The following BRIP1 variants were observed in gnomAD, a reference collection of about 807,000 sequenced individuals.
BRIP1 encodes Fanconi anemia group J protein.
Under a neutral mutation model 119.7 loss-of-function variants are expected in BRIP1, and 88 were observed. That is an observed-to-expected ratio of 0.74 (90% CI 0.62 to 0.88). The LOEUF is 0.88. Among genes scored for constraint, BRIP1 ranks in the 40% least tolerant of loss-of-function variants. BRIP1 has a pLI of 0.00. For missense variants in BRIP1, 1,259 were observed against 1,455.4 expected, an observed-to-expected ratio of 0.87 and a Z score of 2.20; for synonymous variants, 443 against 496.5, an observed-to-expected ratio of 0.89 and a Z score of 1.43.
At position 61,780,966 on chromosome 17, in the gene BRIP1, G is replaced by A. The variant is rs1416513467; in HGVS notation, c.1668C>T (p.Tyr556=). The A allele has an allele frequency of 1.2e-6, 2 of 1,614,024 alleles. No homozygotes were observed. The highest frequency in any genetic ancestry group is 2.2e-5 in the South Asian group (2 of 91,084). The part of the protein sequence containing the change: ...DDYKIAIQQT[Y]SWTNQIDISD... ...AAATATCAATCTGATTTGTCCAGGA[G>A]TAAGTCTGTTGAATCGCAATTTTAT... Residue 556 remains tyrosine (Y), a synonymous_variant, in exon 12 of 20, where the codon TAC becomes TAT. Transcript: ENST00000259008. The surrounding 1 kb of genome is among the most constrained non-coding windows in gnomAD (Gnocchi z 5.4).
At position 61,708,035 on chromosome 17, in the gene BRIP1, TG is replaced by T. The variant is rs1349705958; in HGVS notation, c.2492+7915del. ...CTAATTTTTGTATTTTTAGTAGAGA[TG>T]GGGTTTCACCATGTTGGCCAGGCTG... On this transcript the variant is annotated intron_variant, in intron 17 of 19. Transcript: ENST00000259008. This position sits in a 1 kb window ranked among gnomAD's most constrained non-coding sequence, Gnocchi z 4.4. Among the ~76,000 whole-genome samples the T allele has an allele frequency of 6.6e-5, 10 of 152,068 alleles. No individual in the cohort carries two copies. Among genetic ancestry groups the T allele is most frequent in the Admixed American group, 1.3e-4 (2 of 15,258 alleles).
intron 4 of BRIP1, among the ~76,000 whole-genome samples, chr17:61,855,028 T>C (rs1160276656): frequency 6.6e-6 from 1 of 151,200 alleles, no homozygotes; most frequent in East Asian, 1.9e-4. Context: ...GTATACATCC[T>C]GTATGAATCC....
intron 16 of BRIP1, among the ~76,000 whole-genome samples, chr17:61,731,178 G>A (rs1229690355): frequency 1.3e-5 from 2 of 151,952 alleles, no homozygotes; most frequent in Non-Finnish European, 2.9e-5. Context: ...GAGGTGACAA[G>A]GTTTTTTCTT....
chr17:61,792,509 CA>C (rs541959834), intron 10 of BRIP1, among the ~76,000 whole-genome samples: 1 of 151,724 alleles, frequency 6.6e-6, no homozygotes, highest in East Asian at 1.9e-4. Context: ...GCTATCAAGG[CA>C]AAAAAATACA....
At chr17:61,837,838 A>G (rs1490027264) in intron 6 of BRIP1, among the ~76,000 whole-genome samples, 1 of 152,114 alleles carries the variant, frequency 6.6e-6, no homozygotes, top group Non-Finnish European at 1.5e-5. Context: ...GACACCAGAA[A>G]GTTAATTATA....
intron 16 of BRIP1, among the ~76,000 whole-genome samples, chr17:61,727,018 CAG>C (rs1379642610): frequency 6.6e-6 from 1 of 152,036 alleles, no homozygotes; most frequent in Non-Finnish European, 1.5e-5. Flanking sequence ...TGTAAGAAAG[CAG>C]TAAATAGAAT....
At position 61,846,122 on chromosome 17, in the gene BRIP1, CA is replaced by C. The variant is rs1431461450; in HGVS notation, c.627+978del. Among the ~76,000 whole-genome samples, 1 of 151,916 alleles carries C rather than the reference CA, an allele frequency of 6.6e-6. No individual in the cohort carries two copies. Among genetic ancestry groups the C allele is most frequent in the East Asian group, 1.9e-4 (1 of 5,178 alleles). ...GCATGAACCCAGGAGGCGGAGCTTG[CA>C]GTGGGCGGAGATCACGCCACCGCAC... is the stretch of plus-strand genomic sequence containing the variant. On this transcript the variant is annotated intron_variant, in intron 6 of 19. Transcript: ENST00000259008. The surrounding 1 kb of genome is among the most constrained non-coding windows in gnomAD (Gnocchi z 4.3).
Position 61,776,339 on chromosome 17 carries a change from T to C in BRIP1, c.2097+62A>G, listed in dbSNP as rs1221571656. ...TACTGTGGTAATTTTAAAATTAGCA[T>C]GCCAATGTTTAAAATGTAAATGATT... On this transcript the variant is annotated intron_variant, in intron 14 of 19. Transcript: ENST00000259008. The surrounding 1 kb of genome is among the most constrained non-coding windows in gnomAD (Gnocchi z 5.0). 3.8e-5 allele frequency: 60 copies of C among 1,586,998 alleles called. No individual in the cohort carries two copies. The highest frequency in any genetic ancestry group is 5.2e-5 in the Non-Finnish European group (60 of 1,156,082).
chr17:61,756,328 G>C lies in BRIP1; in HGVS notation c.2098-11737C>G. 6.6e-6 allele frequency among the ~76,000 whole-genome samples: 1 copy of C among 152,148 alleles called. No homozygotes were observed. ...CACCTAAAAACTAACTTAAAGGAAAGTACGATGACACAGAGCTGTCTCTCA... is the reference window on the plus strand; with the variant it reads ...CACCTAAAAACTAACTTAAAGGAAACTACGATGACACAGAGCTGTCTCTCA... On this transcript the variant is annotated intron_variant, in intron 14 of 19. Transcript: ENST00000259008. The surrounding 1 kb of genome is among the most constrained non-coding windows in gnomAD (Gnocchi z 4.3).
In BRIP1 at chr17:61,680,181, TAAAAAAAA is replaced by T. The variant is rs35235448; in HGVS notation, c.*3107_*3114del. Among the ~76,000 whole-genome samples the T allele has an allele frequency of 1.6e-5, 2 of 127,942 alleles. No individual in the cohort carries two copies. Among genetic ancestry groups the T allele is most frequent in the Non-Finnish European group, 3.3e-5 (2 of 60,300 alleles). The allele number at this position is 127,942 out of a possible 152,430, so 83.9% of individuals were successfully genotyped here. A position where few individuals can be genotyped will look rare whatever the true frequency, so the allele number is the denominator to read the frequency against. ...AACATGGTGAAACCCTGTCGATACT[TAAAAAAAA>T]AAAAAAAAAAAAATTAGCTGGGTGC... On this transcript the variant is annotated 3_prime_UTR_variant, in exon 20 of 20. Coordinates refer to ENST00000259008, the MANE Select transcript of BRIP1 (RefSeq NM_032043.3).
Position 61,701,287 on chromosome 17 carries a change from C to T in BRIP1, c.2493-7775G>A, listed in dbSNP as rs915681384. Among the ~76,000 whole-genome samples, 1 of 152,194 alleles carries T rather than the reference C, an allele frequency of 6.6e-6. No individual in the cohort carries two copies. Among genetic ancestry groups the T allele is most frequent in the Non-Finnish European group, 1.5e-5 (1 of 68,032 alleles). On this transcript the variant is annotated intron_variant, in intron 17 of 19. Coordinates refer to ENST00000259008, the MANE Select transcript of BRIP1 (RefSeq NM_032043.3). This position sits in a 1 kb window ranked among gnomAD's most constrained non-coding sequence, Gnocchi z 5.1. ...ATATAGAAATCGGATTATTCTCCCT[C>T]TTCAAGGTTTTTTGTTCTTGTAATT... is the stretch of plus-strand genomic sequence containing the variant.
intron 6 of BRIP1, among the ~76,000 whole-genome samples, chr17:61,839,775 T>C (rs963237429): frequency 6.6e-6 from 1 of 152,194 alleles, no homozygotes; most frequent in Non-Finnish European, 1.5e-5. Context: ...TCTAGAGATA[T>C]GTAGAGTTAT....
intron 4 of BRIP1, among the ~76,000 whole-genome samples, chr17:61,850,287 A>T (rs183278437): frequency 1.1e-4 from 17 of 151,926 alleles, no homozygotes; most frequent in African/African-American, 3.9e-4. Context: ...TTTTTAATAG[A>T]GACGGGGTTT....
intron 16 of BRIP1, among the ~76,000 whole-genome samples, chr17:61,728,793 C>G (rs1032513371): frequency 1.3e-5 from 2 of 151,932 alleles, no homozygotes; most frequent in Non-Finnish European, 2.9e-5. Context: ...TAGCCCTGAC[C>G]GAAGTAGAAG....
chr17:61,780,512 G>A lies in BRIP1; in HGVS notation c.1795-111C>T. 2.0e-6 allele frequency: 2 copies of A among 976,590 alleles called. No homozygotes were observed. Among genetic ancestry groups the A allele is most frequent in the Admixed American group, 1.9e-5 (1 of 52,718 alleles). 60.5% of individuals were successfully genotyped at this position (976,590 alleles called of 1,614,324 possible). ...GGAGGCTGAAGCAGGAAGATCGCTT[G>A]AGTCTAGGAGTCTGAGACCAGCCTG... On this transcript the variant is annotated intron_variant, in intron 12 of 19. Coordinates refer to ENST00000259008, the MANE Select transcript of BRIP1 (RefSeq NM_032043.3). This position sits in a 1 kb window ranked among gnomAD's most constrained non-coding sequence, Gnocchi z 5.4.
At position 61,736,308 on chromosome 17, in the gene BRIP1, A is replaced by T. The variant is rs2076917958; in HGVS notation, c.2379+6705T>A. 2.0e-5 allele frequency among the ~76,000 whole-genome samples: 3 copies of T among 152,316 alleles called. No individual in the cohort carries two copies. In the South Asian group the frequency reaches 6.2e-4, roughly 32 times the overall value. On this transcript the variant is annotated intron_variant, in intron 16 of 19. Transcript: ENST00000259008. The surrounding 1 kb of genome is among the most constrained non-coding windows in gnomAD (Gnocchi z 4.4). ...GTGCCACTGCACTCCAACCTGGGCG[A>T]CAGAACAAGACCTTGTCTATAAAAT...
At chr17:61,781,861 C>T (rs2077625260) in intron 11 of BRIP1, among the ~76,000 whole-genome samples, 1 of 148,202 alleles carries the variant, frequency 6.7e-6, no homozygotes, top group African/African-American at 2.5e-5. Flanking sequence ...GTGGAGGTTG[C>T]AGTGAGCTGA....
Position 61,762,082 on chromosome 17 carries a change from G to C in BRIP1, c.2097+14319C>G, listed in dbSNP as rs2077285049. 6.6e-6 allele frequency among the ~76,000 whole-genome samples: 1 copy of C among 151,746 alleles called. No individual in the cohort carries two copies. Among genetic ancestry groups the C allele is most frequent in the Non-Finnish European group, 1.5e-5 (1 of 67,868 alleles). ...CAGCCACAGTGACCAACGAAACAAA[G>C]AGCACAGAAAGAAACCCATGTATGT... On this transcript the variant is annotated intron_variant, in intron 14 of 19. Coordinates refer to ENST00000259008, the MANE Select transcript of BRIP1 (RefSeq NM_032043.3). This position sits in a 1 kb window ranked among gnomAD's most constrained non-coding sequence, Gnocchi z 4.3.
In BRIP1 at chr17:61,736,184, C is replaced by T. The variant is rs1317890244; in HGVS notation, c.2379+6829G>A. ...CTCCAAAAAAAAAAAAAAGTTTAGC[C>T]AGGTGTGGTGGCACATGCCTACAGT... On this transcript the variant is annotated intron_variant, in intron 16 of 19. Transcript: ENST00000259008. This position sits in a 1 kb window ranked among gnomAD's most constrained non-coding sequence, Gnocchi z 4.4. Among the ~76,000 whole-genome samples, 5 of 151,302 alleles carry T rather than the reference C, an allele frequency of 3.3e-5. No homozygotes were observed. Among genetic ancestry groups the T allele is most frequent in the Admixed American group, 6.6e-5 (1 of 15,202 alleles).
Sources: allele counts gnomAD v4.1 joint callset (sites outside exome capture counted in the v4.1 genomes callset), GRCh38; gene constraint gnomAD v4.1.1; non-coding constraint Gnocchi (gnomAD v3.1); transcripts MANE v1.5; gene names NCBI Gene and HGNC (gene_info 2026-07-23, HGNC 2026-07-21).